The following ZC3H7B variants were observed in gnomAD, a reference collection of about 807,000 sequenced individuals.
ZC3H7B encodes zinc finger CCCH-type containing 7B.
Under a neutral mutation model 116.0 loss-of-function variants are expected in ZC3H7B, and 35 were observed. The observed-to-expected ratio is 0.30, with a 90% confidence interval of 0.23 to 0.40. ZC3H7B has a LOEUF of 0.40. Among genes scored for constraint, ZC3H7B ranks in the 10% least tolerant of loss-of-function variants. The probability of loss-of-function intolerance (pLI) is 1.00; values close to 1 mark genes in which losing one functional copy is unlikely to be tolerated. For missense variants in ZC3H7B, 1,011 were observed against 1,321.5 expected, an observed-to-expected ratio of 0.77 and a Z score of 3.64; for synonymous variants, 502 against 545.6, an observed-to-expected ratio of 0.92 and a Z score of 1.11.
At position 41,341,395 on chromosome 22, in the gene ZC3H7B, T is replaced by C. The variant is rs369405392; in HGVS notation, c.1197+249T>C. Among the ~76,000 whole-genome samples, 21 of 152,300 alleles carry C rather than the reference T, an allele frequency of 1.4e-4. No homozygotes were observed. In the South Asian group the frequency reaches 3.9e-3, roughly 29 times the overall value. On this transcript the variant is annotated intron_variant, in intron 11 of 22. Transcript: ENST00000352645. The stretch of plus-strand genomic sequence containing the variant: ...TTCAAGTCTCAGAGAGTGAAGTGAC[T>C]TCCCCAGTGTTAGTAGCATCCCTGG...
At chr22:41,324,011 A>C (rs543007506) in intron 2 of ZC3H7B, among the ~76,000 whole-genome samples, 28 of 152,200 alleles carry the variant, frequency 1.8e-4, no homozygotes, top group African/African-American at 6.3e-4. Flanking sequence ...TGGAGGTTGC[A>C]GTGAGCCGAG....
At chr22:41,340,599 G>A (rs912349561) in intron 10 of ZC3H7B, among the ~76,000 whole-genome samples, 1 of 152,160 alleles carries the variant, frequency 6.6e-6, no homozygotes, top group Non-Finnish European at 1.5e-5. Flanking sequence ...CAGGGCACTC[G>A]ACTGAGAGGG....
Position 41,349,026 on chromosome 22 carries a change from G to T in ZC3H7B, c.1767-94G>T. 1 of 1,369,904 alleles carries T rather than the reference G, an allele frequency of 7.3e-7. No individual in the cohort carries two copies. 84.9% of individuals were successfully genotyped at this position (1,369,904 alleles called of 1,614,324 possible). On this transcript the variant is annotated intron_variant, in intron 15 of 22. Transcript: ENST00000352645. This position sits in a 1 kb window ranked among gnomAD's most constrained non-coding sequence, Gnocchi z 4.9. ...GGTACATAGATCAGGGGGTGCCCAG[G>T]GAGAGCCTGGCACTGGGAAGGTGGC...
chr22:41,327,085 CTT>C lies in ZC3H7B; in HGVS notation c.286-120_286-119del. The C allele has an allele frequency of 7.0e-7, 1 of 1,429,314 alleles. No individual in the cohort carries two copies. The highest frequency in any genetic ancestry group is 1.3e-5 in the South Asian group (1 of 74,660). 88.5% of individuals were successfully genotyped at this position (1,429,314 alleles called of 1,614,324 possible). Reference sequence around the variant, plus strand: ...CTCGAGCCCTGTCCCTGACCCAAGACTTCAGCTCCTCTGTCTCTGCCAGGAAG... The same window carrying C: ...CTCGAGCCCTGTCCCTGACCCAAGACCAGCTCCTCTGTCTCTGCCAGGAAG... On this transcript the variant is annotated intron_variant, in intron 4 of 22. Coordinates refer to ENST00000352645, the MANE Select transcript of ZC3H7B (RefSeq NM_017590.6). This position sits in a 1 kb window ranked among gnomAD's most constrained non-coding sequence, Gnocchi z 4.5.
chr22:41,304,942 A>G (rs866591434), intron 1 of ZC3H7B, among the ~76,000 whole-genome samples: 14 of 152,264 alleles, frequency 9.2e-5, no homozygotes, highest in African/African-American at 3.4e-4. Flanking sequence ...AAGCAAGAAC[A>G]GGGACTGTCC....
chr22:41,330,169 G>C (rs938616317), intron 6 of ZC3H7B, 66 bp downstream of exon 6: 8 of 1,560,036 alleles, frequency 5.1e-6, no homozygotes, highest in South Asian at 1.1e-5. Flanking sequence ...GAGGGACCAG[G>C]CTCCGTGGGG....
chr22:41,344,869 T>C (rs551313381), intron 13 of ZC3H7B, among the ~76,000 whole-genome samples: 1 of 152,372 alleles, frequency 6.6e-6, no homozygotes, highest in East Asian at 1.9e-4. Flanking sequence ...TGAGTGGTGC[T>C]GTTATAGCTC....
intron 1 of ZC3H7B, among the ~76,000 whole-genome samples, chr22:41,306,006 TA>T (rs2036036359): frequency 6.6e-6 from 1 of 152,158 alleles, no homozygotes; most frequent in Non-Finnish European, 1.5e-5. Flanking sequence ...ATCTGAAAGA[TA>T]GGTTGAAAAG....
rs1021236591 is a variant in ZC3H7B at position 41,346,887 on chromosome 22, C to T, written c.1665+679C>T. Among the ~76,000 whole-genome samples the T allele has an allele frequency of 2.7e-5, 4 of 150,934 alleles. No homozygotes were observed. Among genetic ancestry groups the T allele is most frequent in the African/African-American group, 7.3e-5 (3 of 40,984 alleles). ...CTAAGGTGGGAGGATTGATTGCTTG[C>T]GTCCAGGAGGTAGAGGCTGCAGTGA... is the stretch of plus-strand genomic sequence containing the variant. On this transcript the variant is annotated intron_variant, in intron 14 of 22. Coordinates refer to ENST00000352645, the MANE Select transcript of ZC3H7B (RefSeq NM_017590.6). The surrounding 1 kb of genome is among the most constrained non-coding windows in gnomAD (Gnocchi z 5.3).
rs539608895 is a variant in ZC3H7B at position 41,349,388 on chromosome 22, G to A, written c.1948+87G>A. 7.5e-5 allele frequency: 115 copies of A among 1,538,416 alleles called. No homozygotes were observed. The East Asian group carries it at 2.4e-3, about 32-fold the overall frequency. The stretch of plus-strand genomic sequence containing the variant: ...TGAAGGGAGCGCAGGACTGACTGGG[G>A]TGACAGGCCAGGGCCCCATGGTCGC... On this transcript the variant is annotated intron_variant, in intron 16 of 22. Transcript: ENST00000352645. This position sits in a 1 kb window ranked among gnomAD's most constrained non-coding sequence, Gnocchi z 4.9.
chr22:41,320,596 G>C (rs2036242895), intron 1 of ZC3H7B, 59 bp from the exon 2 acceptor site: 11 of 1,599,544 alleles, frequency 6.9e-6, no homozygotes, highest in Admixed American at 6.7e-5. Context: ...CGAAGTGGTG[G>C]TGGCTGACGG....
intron 1 of ZC3H7B, among the ~76,000 whole-genome samples, chr22:41,304,277 T>A (rs1394827686): frequency 6.6e-6 from 1 of 151,904 alleles, no homozygotes. Flanking sequence ...CAGGCTGGAG[T>A]GCAGTGGCAT....
chr22:41,326,797 T>G (rs1201957358), intron 4 of ZC3H7B, among the ~76,000 whole-genome samples: 23 of 152,348 alleles, frequency 1.5e-4, no homozygotes, highest in East Asian at 1.9e-4. Flanking sequence ...GCCTCAGGGT[T>G]AACCCTTGTA....
chr22:41,353,779 C>G (rs1480351060), intron 17 of ZC3H7B, among the ~76,000 whole-genome samples: 2 of 152,232 alleles, frequency 1.3e-5, no homozygotes, highest in African/African-American at 4.8e-5. Flanking sequence ...TCCCTGACTT[C>G]TTTGTTCCTG....
At chr22:41,331,380 C>G (rs1362965950) in intron 6 of ZC3H7B, among the ~76,000 whole-genome samples, 1 of 147,046 alleles carries the variant, frequency 6.8e-6, no homozygotes, top group African/African-American at 2.6e-5. Flanking sequence ...GCAGTGAAAG[C>G]CTGTCTCTAC....
chr22:41,317,300 C>G (rs1029339112), intron 1 of ZC3H7B, among the ~76,000 whole-genome samples: 2 of 152,152 alleles, frequency 1.3e-5, no homozygotes, highest in Non-Finnish European at 2.9e-5. Context: ...CTTGAATTGC[C>G]AATACCATCC....
intron 1 of ZC3H7B, among the ~76,000 whole-genome samples, chr22:41,312,156 CA>C (rs57597464): frequency 0.42 from 37,190 of 89,006 alleles, 4,957 homozygotes; most frequent in Admixed American, 0.54. Flanking sequence ...GACTCCGTCT[CA>C]AAAAAAAAAA....
At chr22:41,304,701 T>C (rs2036017479) in intron 1 of ZC3H7B, among the ~76,000 whole-genome samples, 1 of 152,198 alleles carries the variant, frequency 6.6e-6, no homozygotes, top group South Asian at 2.1e-4. Context: ...GAAGGGAATT[T>C]CTGGGTTAGC....
At chr22:41,355,716 G>C in intron 18 of ZC3H7B, 41 bp from the exon 19 acceptor site, 2 of 1,613,094 alleles carry the variant, frequency 1.2e-6, no homozygotes, top group Non-Finnish European at 1.7e-6. Flanking sequence ...CAGCACACAG[G>C]CTGTGCCCTG....
Sources: gnomAD v4.1 joint callset for allele counts (sites outside exome capture counted in the v4.1 genomes callset) on GRCh38, gnomAD v4.1.1 for gene constraint, Gnocchi (gnomAD v3.1) non-coding constraint, MANE v1.5 for transcripts, NCBI Gene and HGNC (gene_info 2026-07-23, HGNC 2026-07-21) for gene names.